The following CHST9 variants were observed in gnomAD, a reference collection of about 807,000 sequenced individuals.
The protein encoded by CHST9 is GalNAc-4-sulfotransferase 2.
Under a neutral mutation model 44.4 loss-of-function variants are expected in CHST9, and 41 were observed. The observed-to-expected ratio is 0.92, with a 90% confidence interval of 0.72 to 1.20. CHST9 has a LOEUF of 1.20. Among genes scored for constraint, CHST9 ranks in the 50% most tolerant of loss-of-function variants. The pLI, the probability that CHST9 is intolerant of heterozygous loss-of-function variation, is 0.00. For synonymous variants in CHST9, 171 were observed against 178.4 expected, an observed-to-expected ratio of 0.96 and a Z score of 0.33; for missense variants, 504 against 516.5, an observed-to-expected ratio of 0.98 and a Z score of 0.23.
At chr18:27,091,898 T>C (rs1350491709) in intron 2 of CHST9, among the ~76,000 whole-genome samples, 22 of 152,346 alleles carry the variant, frequency 1.4e-4, no homozygotes, top group Admixed American at 1.4e-3. Flanking sequence ...GATATTGGTC[T>C]GAAATTCTCT....
At chr18:27,044,836 C>T (rs1450683610) in intron 3 of CHST9, among the ~76,000 whole-genome samples, 1 of 151,874 alleles carries the variant, frequency 6.6e-6, no homozygotes, top group African/African-American at 2.4e-5. Context: ...AGATTTTATT[C>T]AGTATCTACT....
Position 27,142,701 on chromosome 18 carries a change from C to G in CHST9, c.109G>C (p.Glu37Gln). The change falls in exon 2 of 6, where the codon GAA (glutamate) becomes CAA (glutamine). Residue 37 changes from glutamate (E) to glutamine (Q), a missense_variant. Transcript: ENST00000618847. Reference sequence around the variant, plus strand: ...GCACATGTGTTACCTGTATGTTGTTCTTCAATCCAGACTTGCAAATACATG... The same window carrying G: ...GCACATGTGTTACCTGTATGTTGTTGTTCAATCCAGACTTGCAAATACATG... ...LFMYLQVWIEEQHTGRVEKRR... is the reference protein window; with the variant it reads ...LFMYLQVWIEQQHTGRVEKRR... The G allele has an allele frequency of 6.2e-7, 1 of 1,605,866 alleles. No homozygotes were observed. The highest frequency in any genetic ancestry group is 8.5e-7 in the Non-Finnish European group (1 of 1,176,820).
At chr18:27,073,260 A>T (rs758369594) in intron 2 of CHST9, among the ~76,000 whole-genome samples, 2 of 152,044 alleles carry the variant, frequency 1.3e-5, no homozygotes, top group African/African-American at 2.4e-5. Context: ...TGACTGCTTA[A>T]CCTAATGTAG....
intron 2 of CHST9, among the ~76,000 whole-genome samples, chr18:27,103,406 G>A (rs2058192044): frequency 6.6e-6 from 1 of 152,144 alleles, no homozygotes; most frequent in African/African-American, 2.4e-5. Context: ...CTCATCCCTG[G>A]CCTCAAGGTG....
At chr18:26,963,493 C>A (rs1269163518) in intron 4 of CHST9, among the ~76,000 whole-genome samples, 4 of 151,936 alleles carry the variant, frequency 2.6e-5, no homozygotes, top group African/African-American at 9.7e-5. Context: ...CAAGCTCCCC[C>A]ATCTGTTCAA....
intron 2 of CHST9, among the ~76,000 whole-genome samples, chr18:27,092,847 G>A (rs1022029858): frequency 3.3e-5 from 5 of 152,194 alleles, no homozygotes; most frequent in Non-Finnish European, 5.9e-5. Context: ...CATTTGCTGA[G>A]AAGTGCTTTA....
At chr18:26,930,733 A>C (rs957362091) in intron 5 of CHST9, 7 of 153,750 alleles carry the variant, frequency 4.6e-5, no homozygotes, top group African/African-American at 1.7e-4. Context: ...CAGTATCTGT[A>C]CAACTTTACT....
chr18:27,162,246 C>T (rs923105530), intron 1 of CHST9, among the ~76,000 whole-genome samples: 2 of 152,116 alleles, frequency 1.3e-5, no homozygotes, highest in Non-Finnish European at 2.9e-5. Flanking sequence ...GTGGCTGCTA[C>T]TGGTTGTTCC....
intron 4 of CHST9, among the ~76,000 whole-genome samples, chr18:27,009,081 A>G (rs1213225720): frequency 6.6e-6 from 1 of 152,162 alleles, no homozygotes; most frequent in East Asian, 1.9e-4. Flanking sequence ...CAAGGACTTA[A>G]AGAGGAAAGG....
At chr18:26,985,617 C>T (rs1320075723) in intron 4 of CHST9, among the ~76,000 whole-genome samples, 1 of 152,114 alleles carries the variant, frequency 6.6e-6, no homozygotes, top group Non-Finnish European at 1.5e-5. Flanking sequence ...GACAAAGAAC[C>T]AGAAAGGTGC....
At chr18:27,145,045 A>T (rs1297026880) in intron 1 of CHST9, among the ~76,000 whole-genome samples, 1 of 152,230 alleles carries the variant, frequency 6.6e-6, no homozygotes, top group Non-Finnish European at 1.5e-5. Flanking sequence ...ATAATGTAAG[A>T]ATTCAGAATT....
chr18:27,016,150 G>A (rs1016190310), intron 4 of CHST9, among the ~76,000 whole-genome samples: 14 of 152,178 alleles, frequency 9.2e-5, no homozygotes, highest in African/African-American at 3.4e-4. Flanking sequence ...GGCTTATTAT[G>A]GCTATATACA....
In CHST9 at chr18:27,112,929, C is replaced by T. The variant is rs1017163498; in HGVS notation, c.121+29760G>A. 2.6e-5 allele frequency among the ~76,000 whole-genome samples: 4 copies of T among 152,258 alleles called. No homozygotes were observed. In the East Asian group the frequency reaches 7.7e-4, roughly 29 times the overall value. On this transcript the variant is annotated intron_variant, in intron 2 of 5. Transcript: ENST00000618847. ...AATTAGCCGGGCCCGATGGCTCACG[C>T]CTGTAATCCCAGCACTTTGAGAGGC...
At chr18:26,937,843 G>A (rs1030968147) in intron 5 of CHST9, among the ~76,000 whole-genome samples, 1 of 152,080 alleles carries the variant, frequency 6.6e-6, no homozygotes, top group African/African-American at 2.4e-5. Flanking sequence ...TACTAATGTC[G>A]TGCTAAATGT....
At chr18:27,102,468 G>A (rs946587037) in intron 2 of CHST9, among the ~76,000 whole-genome samples, 3 of 152,032 alleles carry the variant, frequency 2.0e-5, no homozygotes, top group African/African-American at 4.8e-5. Flanking sequence ...GACCATCCTC[G>A]ACTATAAAAA....
intron 4 of CHST9, among the ~76,000 whole-genome samples, chr18:26,972,803 C>T (rs1683440): frequency 0.35 from 52,659 of 151,990 alleles, 9,786 homozygotes; most frequent in East Asian, 0.47. Flanking sequence ...TTCCTTGCCA[C>T]GGGCTCTGAT....
At chr18:27,161,103 T>C (rs1278629042) in intron 1 of CHST9, among the ~76,000 whole-genome samples, 3 of 152,178 alleles carry the variant, frequency 2.0e-5, no homozygotes, top group African/African-American at 7.2e-5. Context: ...TTTGTGTCTC[T>C]ATTTCCTTCA....
At chr18:27,044,052 C>T (rs568493524) in intron 3 of CHST9, among the ~76,000 whole-genome samples, 3 of 110,216 alleles carry the variant, frequency 2.7e-5, no homozygotes, top group Non-Finnish European at 5.9e-5. Flanking sequence ...CTTTGGACAG[C>T]GAGCCCTTCC....
At chr18:27,144,557 A>T (rs1421795875) in intron 1 of CHST9, among the ~76,000 whole-genome samples, 4 of 152,060 alleles carry the variant, frequency 2.6e-5, no homozygotes, top group Non-Finnish European at 5.9e-5. Flanking sequence ...GCGTGGTGCC[A>T]TGGGCCTCTA....
Sources: allele counts gnomAD v4.1 joint callset (sites outside exome capture counted in the v4.1 genomes callset), GRCh38; gene constraint gnomAD v4.1.1; transcripts MANE v1.5; gene names NCBI Gene and HGNC (gene_info 2026-07-23, HGNC 2026-07-21).